Variants in ABCA3 observed in about 807,000 individuals in gnomAD.
ABCA3 encodes the protein ATP binding cassette subfamily A member 3.
ABCA3 carries 88 observed loss-of-function variants against 172.8 expected under a neutral mutation model. That is an observed-to-expected ratio of 0.51 (90% CI 0.43 to 0.61). ABCA3 has a LOEUF of 0.61. Among genes scored for constraint, ABCA3 ranks in the 20% least tolerant of loss-of-function variants. ABCA3 has a pLI of 0.00. For missense variants in ABCA3, 2,164 were observed against 2,301.0 expected (o/e 0.94, Z 1.22); for synonymous variants, 1,066 against 983.8 (o/e 1.08, Z -1.56).
intron 1 of ABCA3, among the ~76,000 whole-genome samples, chr16:2,337,617 C>T (rs1304634375): frequency 6.6e-6 from 1 of 151,784 alleles, no homozygotes; most frequent in Non-Finnish European, 1.5e-5. Context: ...AACTTGTGGC[C>T]TCAAGTGATC....
At chr16:2,289,777 C>A (rs547548273) in intron 19 of ABCA3, among the ~76,000 whole-genome samples, 157 bp from the exon 20 acceptor site, 1 of 152,292 alleles carries the variant, frequency 6.6e-6, no homozygotes, top group South Asian at 2.1e-4. Flanking sequence ...GTGTCTCCGG[C>A]CACCATGCAC....
At chr16:2,300,713 G>A (rs913065588) in intron 12 of ABCA3, among the ~76,000 whole-genome samples, 8 of 152,244 alleles carry the variant, frequency 5.3e-5, no homozygotes, top group Non-Finnish European at 8.8e-5. Context: ...GGACAGCCTG[G>A]TGCCTACATG....
At position 2,277,833 on chromosome 16, in the gene ABCA3, G is replaced by A; in HGVS notation, c.4909+46C>T. 6.2e-7 allele frequency: 1 copy of A among 1,605,398 alleles called. No individual in the cohort carries two copies. Among genetic ancestry groups the A allele is most frequent in the Non-Finnish European group, 8.5e-7 (1 of 1,178,168 alleles). ...ACAGCAGATGGGAGAGGCCTAGGTA[G>A]GGGCCCAGGGCCCACCCAGTGGGGG... On this transcript the variant is annotated intron_variant, in intron 31 of 32. Transcript: ENST00000301732. This position sits in a 1 kb window ranked among gnomAD's most constrained non-coding sequence, Gnocchi z 5.3.
chr16:2,324,346 G>A (rs985109261), intron 6 of ABCA3, 58 bp downstream of exon 6: 3 of 1,541,336 alleles, frequency 1.9e-6, no homozygotes, highest in Non-Finnish European at 2.6e-6. Flanking sequence ...AGTGACGCGG[G>A]AGGAAGCGGA....
chr16:2,286,932 C>T lies in ABCA3; in HGVS notation c.3040G>A (p.Val1014Met). 3 of 1,613,888 alleles carry T rather than the reference C, an allele frequency of 1.9e-6. No individual in the cohort carries two copies. Among genetic ancestry groups the T allele is most frequent in the Middle Eastern group, 1.6e-4 (1 of 6,062 alleles). Residue 1014 changes from valine (V) to methionine (M), a missense_variant, in exon 22 of 33, where the codon GTG becomes ATG. Val to Met is a conservative substitution (Grantham distance 21). Around this residue, in one of 3 missense-constraint regions of ABCA3, gnomAD observed 1,343 missense variants for 1,369.6 expected, o/e 0.98. Coordinates refer to ENST00000301732, the MANE Select transcript of ABCA3 (RefSeq NM_001089.3). The surrounding 1 kb of genome is among the most constrained non-coding windows in gnomAD (Gnocchi z 5.2). ...CGCTCATTAAAGCCGCCCCCCTCCA[C>T]AGAAGCCCTGAAGATCAAGAACTCC... ...LEEFLIFRAS[V>M]EGGGFNERCL... is the part of the protein sequence containing the mutation.
At chr16:2,301,966 C>T (rs1297337752) in intron 12 of ABCA3, among the ~76,000 whole-genome samples, 3 of 152,226 alleles carry the variant, frequency 2.0e-5, no homozygotes, top group African/African-American at 7.2e-5. Flanking sequence ...ACACCTGGCC[C>T]GCCCAGGGCG....
chr16:2,339,455 A>T (rs1312557063), intron 1 of ABCA3: 1 of 152,226 alleles, frequency 6.6e-6, no homozygotes, highest in African/African-American at 2.4e-5. Flanking sequence ...TTCCCATGAC[A>T]TCCATTTTTA....
intron 12 of ABCA3, among the ~76,000 whole-genome samples, chr16:2,303,156 G>GT (rs2093692152): frequency 6.6e-6 from 1 of 151,914 alleles, no homozygotes; most frequent in Non-Finnish European, 1.5e-5. Context: ...CTCTATGACA[G>GT]TAAGTGTAGA....
rs1360304189 is a variant in ABCA3 at position 2,285,333 on chromosome 16, G to A, written c.3483+109C>T. 10 of 1,355,314 alleles carry A rather than the reference G, an allele frequency of 7.4e-6. No individual in the cohort carries two copies. Among genetic ancestry groups the A allele is most frequent in the African/African-American group, 2.9e-5 (2 of 69,376 alleles). 84.0% of individuals were successfully genotyped at this position (1,355,314 alleles called of 1,614,324 possible). On this transcript the variant is annotated intron_variant, in intron 23 of 32. Coordinates refer to ENST00000301732, the MANE Select transcript of ABCA3 (RefSeq NM_001089.3). This position sits in a 1 kb window ranked among gnomAD's most constrained non-coding sequence, Gnocchi z 4.7. ...CCAGCTGTCCTCCCTGAGTCGGGCC[G>A]AGCTGCCGGCCTAGGGGCTGCCCAG... is the stretch of plus-strand genomic sequence containing the variant.
intron 10 of ABCA3, among the ~76,000 whole-genome samples, chr16:2,314,872 C>CTTTT (rs35616252): frequency 1.5e-4 from 14 of 93,494 alleles, no homozygotes; most frequent in East Asian, 6.2e-4. Flanking sequence ...AGTGCCTGGT[C>CTTTT]TTTTTTTTTT....
intron 8 of ABCA3, among the ~76,000 whole-genome samples, chr16:2,318,852 G>A (rs986691142): frequency 5.3e-5 from 8 of 152,108 alleles, no homozygotes; most frequent in Non-Finnish European, 7.3e-5. Flanking sequence ...ACAGAACAGC[G>A]GGAAGAGGAG....
At chr16:2,322,361 C>T (rs2093727374) in intron 7 of ABCA3, among the ~76,000 whole-genome samples, 1 of 151,754 alleles carries the variant, frequency 6.6e-6, no homozygotes, top group African/African-American at 2.4e-5. Context: ...AGTAAATGTT[C>T]CTGAAAAGTA....
chr16:2,285,674 G>C lies in ABCA3; in HGVS notation c.3279-28C>G. On this transcript the variant is annotated intron_variant, in intron 22 of 32. Coordinates refer to ENST00000301732, the MANE Select transcript of ABCA3 (RefSeq NM_001089.3). The surrounding 1 kb of genome is among the most constrained non-coding windows in gnomAD (Gnocchi z 4.7). Reference sequence around the variant, plus strand: ...GCGGGGGACAGAGAAGGTCAGGGACGGAGCACAGCACGTCTGGGTGGCAGG... The same window carrying C: ...GCGGGGGACAGAGAAGGTCAGGGACCGAGCACAGCACGTCTGGGTGGCAGG... 2 of 1,550,028 alleles carry C rather than the reference G, an allele frequency of 1.3e-6. No individual in the cohort carries two copies. The highest frequency in any genetic ancestry group is 1.7e-6 in the Non-Finnish European group (2 of 1,146,124).
At chr16:2,328,428 C>T (rs768378322) in intron 3 of ABCA3, 25 bp downstream of exon 3, 51 of 479,886 alleles carry the variant, frequency 1.1e-4, no homozygotes, top group Admixed American at 1.8e-4. Context: ...ATCTCATGAA[C>T]TTCAAGAGTT....
At position 2,287,295 on chromosome 16, in the gene ABCA3, T is replaced by C. The variant is rs111261721; in HGVS notation, c.3005-328A>G. 2.6e-5 allele frequency among the ~76,000 whole-genome samples: 4 copies of C among 152,078 alleles called. No individual in the cohort carries two copies. The highest frequency in any genetic ancestry group is 9.7e-5 in the African/African-American group (4 of 41,408). On this transcript the variant is annotated intron_variant, in intron 21 of 32. Transcript: ENST00000301732. This position sits in a 1 kb window ranked among gnomAD's most constrained non-coding sequence, Gnocchi z 4.1. ...TGACTACCAAGACTCTTTCTTTTTTTTTTTGAGACAGTCTTGCTCTGTCAC... is the reference window on the plus strand; with the variant it reads ...TGACTACCAAGACTCTTTCTTTTTTCTTTTGAGACAGTCTTGCTCTGTCAC...
At chr16:2,321,810 C>G (rs147091213) in intron 7 of ABCA3, among the ~76,000 whole-genome samples, 1 of 152,202 alleles carries the variant, frequency 6.6e-6, no homozygotes, top group Non-Finnish European at 1.5e-5. Context: ...ACAAGGACCA[C>G]GGAGCTAAAA....
chr16:2,289,340 G>T, intron 20 of ABCA3, 94 bp downstream of exon 20: 1 of 1,460,610 alleles, frequency 6.8e-7, no homozygotes, highest in Admixed American at 2.0e-5. Context: ...CCCTGTTTGC[G>T]CCCTCGCAGA....
intron 18 of ABCA3, 116 bp downstream of exon 18, chr16:2,295,474 C>T (rs2093678283): frequency 6.0e-6 from 9 of 1,508,646 alleles, no homozygotes; most frequent in Admixed American, 5.0e-5. Flanking sequence ...TCTAAGAGTG[C>T]CGACTGGCCA....
intron 1 of ABCA3, among the ~76,000 whole-genome samples, chr16:2,330,122 C>T (rs372199529): frequency 2.6e-4 from 40 of 151,532 alleles, no homozygotes; most frequent in African/African-American, 9.7e-4. Context: ...ATGGCAAAAC[C>T]CTGTCTCTAC....
Sources: allele counts gnomAD v4.1 joint callset (sites outside exome capture counted in the v4.1 genomes callset), GRCh38; gene constraint gnomAD v4.1.1; regional missense constraint gnomAD v4.1.1; non-coding constraint Gnocchi (gnomAD v3.1); transcripts MANE v1.5; gene names NCBI Gene and HGNC (gene_info 2026-07-23, HGNC 2026-07-21).